THSD7B: variants seen among roughly 807,000 people sequenced by gnomAD.
THSD7B encodes the protein thrombospondin type 1 domain containing 7B, also known as thrombospondin type-1 domain-containing protein 7B.
A neutral mutation model predicts 213.6 loss-of-function variants in THSD7B; 138 were observed. The ratio of observed to expected loss-of-function variants is 0.65; its 90% CI spans 0.56 to 0.74. THSD7B has a LOEUF of 0.74. Ranked by LOEUF, THSD7B falls within the 30% of genes least tolerant of loss-of-function variation. The probability of loss-of-function intolerance (pLI) is 0.00; values close to 1 mark genes in which losing one functional copy is unlikely to be tolerated. For synonymous variants in THSD7B, 742 were observed against 687.0 expected (o/e 1.08, Z -1.25); for missense variants, 1,931 against 1,991.5 (o/e 0.97, Z 0.58).
intron 15 of THSD7B, among the ~76,000 whole-genome samples, chr2:137,461,460 G>C (rs1573639060): frequency 6.6e-6 from 1 of 152,052 alleles, no homozygotes; most frequent in Non-Finnish European, 1.5e-5. Context: ...CTGCTGCCTA[G>C]TCCTGAGTCA....
chr2:137,526,808 A>G (rs979284040), intron 15 of THSD7B, among the ~76,000 whole-genome samples: 4 of 152,152 alleles, frequency 2.6e-5, no homozygotes, highest in African/African-American at 9.6e-5. Context: ...AATGTTTTGA[A>G]TAAGAGGGTA....
At chr2:137,417,731 C>T (rs543515897) in intron 14 of THSD7B, among the ~76,000 whole-genome samples, 2 of 152,270 alleles carry the variant, frequency 1.3e-5, no homozygotes, top group East Asian at 3.9e-4. Context: ...CTGCAACTGA[C>T]CTAAGACAGC....
chr2:137,155,503 T>C (rs1358378698), intron 5 of THSD7B, among the ~76,000 whole-genome samples: 2 of 152,218 alleles, frequency 1.3e-5, no homozygotes, highest in African/African-American at 4.8e-5. Context: ...ACATCGTGGC[T>C]GGAGTTTGGC....
intron 20 of THSD7B, among the ~76,000 whole-genome samples, chr2:137,631,806 G>C (rs1682746344): frequency 6.6e-6 from 1 of 152,158 alleles, no homozygotes; most frequent in Admixed American, 6.5e-5. Flanking sequence ...GTGTTTTAGA[G>C]TCAGCTTTTC....
intron 16 of THSD7B, among the ~76,000 whole-genome samples, chr2:137,569,451 C>G (rs1681308772): frequency 6.6e-6 from 1 of 152,136 alleles, no homozygotes; most frequent in Non-Finnish European, 1.5e-5. Flanking sequence ...GATAGTAAAC[C>G]AGCAATCACC....
chr2:137,588,289 G>A (rs573622798), intron 17 of THSD7B, among the ~76,000 whole-genome samples: 33 of 152,260 alleles, frequency 2.2e-4, no homozygotes, highest in African/African-American at 7.9e-4. Flanking sequence ...TCCCAGGTGA[G>A]GTGATGCCTT....
intron 4 of THSD7B, among the ~76,000 whole-genome samples, chr2:137,114,691 T>G (rs1414287543): frequency 6.6e-6 from 1 of 152,214 alleles, no homozygotes; most frequent in Non-Finnish European, 1.5e-5. Flanking sequence ...TATTTACGAC[T>G]TTACACATTC....
intron 7 of THSD7B, among the ~76,000 whole-genome samples, chr2:137,179,715 A>T (rs1248316993): frequency 1.3e-5 from 2 of 152,166 alleles, no homozygotes; most frequent in Admixed American, 6.5e-5. Flanking sequence ...TCAGGAATTC[A>T]TAGTGTGTAA....
chr2:137,013,095 C>T (rs1385055494), intron 2 of THSD7B, among the ~76,000 whole-genome samples: 3 of 152,156 alleles, frequency 2.0e-5, no homozygotes, highest in Non-Finnish European at 4.4e-5. Context: ...AAATCAATTA[C>T]TTTTAATTCT....
chr2:137,095,028 A>C lies in THSD7B; in HGVS notation c.1106A>C (p.Lys369Thr), dbSNP rs2104918928. The C allele has an allele frequency of 6.2e-7, 1 of 1,613,898 alleles. No individual in the cohort carries two copies. The highest frequency in any genetic ancestry group is 1.1e-5 in the South Asian group (1 of 91,084). Reference sequence around the variant, plus strand: ...TTTAGGAGCAGGAGCCGGAACGTGAAGCACATGGCTATTGGAGGTGGAAAG... The same window carrying C: ...TTTAGGAGCAGGAGCCGGAACGTGACGCACATGGCTATTGGAGGTGGAAAG... ...PGFRSRSRNVKHMAIGGGKEC... is the reference protein window; with the variant it reads ...PGFRSRSRNVTHMAIGGGKEC... The change falls in exon 4 of 28, where the codon AAG becomes ACG. Residue 369 changes from lysine (K) to threonine (T), a missense_variant. Coordinates refer to ENST00000409968, the MANE Select transcript of THSD7B (RefSeq NM_001316349.2).
rs12479369 is a variant in THSD7B at position 136,945,234 on chromosome 2, A to G, written c.139+62917A>G. Among the ~76,000 whole-genome samples, 1,301 of 152,124 alleles carry G rather than the reference A, an allele frequency of 8.6e-3. 34 individuals carry two copies. Among genetic ancestry groups the G allele is most frequent in the Admixed American group, 0.059 (906 of 15,260 alleles). ...TATTGGCCCCAACTCTCTTATGTAG[A>G]GTTTCTGAGACCCTTTCTTCCACTT... On this transcript the variant is annotated intron_variant, in intron 2 of 27. Coordinates refer to ENST00000409968, the MANE Select transcript of THSD7B (RefSeq NM_001316349.2).
At chr2:137,275,144 G>T (rs1385869073) in intron 11 of THSD7B, among the ~76,000 whole-genome samples, 5 of 152,046 alleles carry the variant, frequency 3.3e-5, no homozygotes, top group Non-Finnish European at 7.4e-5. Flanking sequence ...CATAAAAATA[G>T]AGTTTTGTTG....
At chr2:136,780,045 G>A (rs1197060845) in intron 1 of THSD7B, among the ~76,000 whole-genome samples, 1 of 151,870 alleles carries the variant, frequency 6.6e-6, no homozygotes, top group African/African-American at 2.4e-5. Flanking sequence ...TTTTGAGGGG[G>A]GTGTGTGTGT....
intron 1 of THSD7B, among the ~76,000 whole-genome samples, chr2:136,847,319 G>A (rs1369295075): frequency 1.3e-5 from 2 of 152,270 alleles, no homozygotes; most frequent in African/African-American, 2.4e-5. Context: ...TATGCATTAA[G>A]GATTACTTGA....
intron 12 of THSD7B, among the ~76,000 whole-genome samples, chr2:137,367,190 G>A (rs530816840): frequency 1.3e-5 from 2 of 152,080 alleles, no homozygotes; most frequent in South Asian, 2.1e-4. Context: ...ATATTCCTTA[G>A]GCAGGCTGTG....
chr2:137,268,881 C>T (rs1304387733), intron 10 of THSD7B, among the ~76,000 whole-genome samples: 1 of 152,114 alleles, frequency 6.6e-6, no homozygotes, highest in Non-Finnish European at 1.5e-5. Flanking sequence ...CACTGCCTGC[C>T]CTTGAGTTTC....
chr2:137,335,292 A>G (rs1448904261), intron 12 of THSD7B, among the ~76,000 whole-genome samples: 1 of 152,192 alleles, frequency 6.6e-6, no homozygotes, highest in Non-Finnish European at 1.5e-5. Flanking sequence ...TTACGAGCGC[A>G]CAAAAATAAG....
chr2:136,961,535 A>G (rs1045625000), intron 2 of THSD7B, among the ~76,000 whole-genome samples: 20 of 152,094 alleles, frequency 1.3e-4, no homozygotes, highest in Admixed American at 1.2e-3. Context: ...TTTTCAATAT[A>G]AATCGTAAAC....
chr2:137,076,271 C>G (rs1008100212), intron 3 of THSD7B, among the ~76,000 whole-genome samples: 2 of 152,242 alleles, frequency 1.3e-5, no homozygotes, highest in Non-Finnish European at 2.9e-5. Flanking sequence ...TTTACCTAAT[C>G]AAACTAATTC....
Sources: allele counts gnomAD v4.1 joint callset (sites outside exome capture counted in the v4.1 genomes callset), GRCh38; gene constraint gnomAD v4.1.1; transcripts MANE v1.5; gene names NCBI Gene and HGNC (gene_info 2026-07-23, HGNC 2026-07-21).